The following PRKN variants were observed in gnomAD, a reference collection of about 807,000 sequenced individuals.
The protein encoded by PRKN is parkin RBR E3 ubiquitin protein ligase, also known as E3 ubiquitin-protein ligase parkin.
PRKN carries 56 observed loss-of-function variants against 59.5 expected under a neutral mutation model. The ratio of observed to expected loss-of-function variants is 0.94; its 90% CI spans 0.76 to 1.18. The LOEUF (loss-of-function observed/expected upper bound fraction) is 1.18. Ranked by LOEUF, PRKN falls within the 50% of genes most tolerant of loss-of-function variation. The pLI is 0.00. For missense variants in PRKN, 657 were observed against 596.4 expected, an observed-to-expected ratio of 1.10 and a Z score of -1.06; for synonymous variants, 250 against 222.1, an observed-to-expected ratio of 1.13 and a Z score of -1.12.
At chr6:162,078,880 A>T (rs1778942286) in intron 4 of PRKN, among the ~76,000 whole-genome samples, 1 of 50,730 alleles carries the variant, frequency 2.0e-5, no homozygotes, top group Non-Finnish European at 3.8e-5. Flanking sequence ...ATACTTAATA[A>T]TTAATAAATA....
Position 161,552,822 on chromosome 6 carries a change from C to T in PRKN, c.934-3819G>A, listed in dbSNP as rs1457721104. Among the ~76,000 whole-genome samples, 3 of 142,018 alleles carry T rather than the reference C, an allele frequency of 2.1e-5. No individual in the cohort carries two copies. Among genetic ancestry groups the T allele is most frequent in the African/African-American group, 7.7e-5 (3 of 38,906 alleles). The allele number at this position is 142,018 out of a possible 152,430, so 93.2% of individuals were successfully genotyped here. A position where few individuals can be genotyped will look rare whatever the true frequency, so the allele number is the denominator to read the frequency against. ...TTTGTTTTTTTTTTTTAGACGGAGT[C>T]TCGTTGTTACGCGGCTGGAGTACAG... On this transcript the variant is annotated intron_variant, in intron 8 of 11. Transcript: ENST00000366898. The surrounding 1 kb of genome is among the most constrained non-coding windows in gnomAD (Gnocchi z 4.9).
intron 2 of PRKN, among the ~76,000 whole-genome samples, chr6:162,333,620 G>A (rs1241911739): frequency 6.6e-6 from 1 of 152,148 alleles, no homozygotes; most frequent in African/African-American, 2.4e-5. Flanking sequence ...CCAACTGCCT[G>A]TTAGACACTG....
At chr6:162,481,115 G>A (rs62428780) in intron 1 of PRKN, among the ~76,000 whole-genome samples, 23,247 of 151,868 alleles carry the variant, frequency 0.15, 1,964 homozygotes, top group Non-Finnish European at 0.17. Flanking sequence ...GAGCCACTGC[G>A]CCTGGCCTAA....
chr6:161,860,004 G>A (rs1343520389), intron 6 of PRKN, among the ~76,000 whole-genome samples: 4 of 152,132 alleles, frequency 2.6e-5, no homozygotes, highest in Non-Finnish European at 5.9e-5. Flanking sequence ...AACAGTCGAA[G>A]CTAGTTTTGT....
chr6:162,634,204 G>A (rs533993940), intron 1 of PRKN, among the ~76,000 whole-genome samples: 36 of 152,202 alleles, frequency 2.4e-4, no homozygotes, highest in African/African-American at 7.9e-4. Context: ...ACCCTCACAG[G>A]CCTCCCTGTC....
At chr6:161,827,728 G>C (rs1792306432) in intron 6 of PRKN, among the ~76,000 whole-genome samples, 1 of 152,042 alleles carries the variant, frequency 6.6e-6, no homozygotes. Context: ...GTCTGCTCTT[G>C]AACTCCTGAC....
rs1433994666 is a variant in PRKN, at chr6:162,112,181, AAAC to A, written c.535-58010_535-58008del. Among the ~76,000 whole-genome samples, 3 of 152,238 alleles carry A rather than the reference AAAC, an allele frequency of 2.0e-5. No individual in the cohort carries two copies. In the South Asian group the frequency reaches 6.2e-4, roughly 31 times the overall value. On this transcript the variant is annotated intron_variant, in intron 4 of 11. Coordinates refer to ENST00000366898, the MANE Select transcript of PRKN (RefSeq NM_004562.3). ...AAACTCGAATATCTTTGCAACCTTC[AAAC>A]AACACTTGACATTAAAAATCCATTT...
intron 2 of PRKN, among the ~76,000 whole-genome samples, chr6:162,370,111 A>G (rs1190532944): frequency 6.6e-6 from 1 of 152,206 alleles, no homozygotes; most frequent in Non-Finnish European, 1.5e-5. Context: ...AAAGCTTAAC[A>G]GCAAATTTCA....
rs1444760633 is a variant in PRKN, at chr6:161,971,697, C to G, written c.734+1605G>C. ...TCTCATTTTTATTCCTTCTTGGAAA[C>G]AGGTTTGTTCAACAGATGCTGTTAA... is the stretch of plus-strand genomic sequence containing the variant. On this transcript the variant is annotated intron_variant, in intron 6 of 11. Coordinates refer to ENST00000366898, the MANE Select transcript of PRKN (RefSeq NM_004562.3). 2.0e-5 allele frequency among the ~76,000 whole-genome samples: 3 copies of G among 150,504 alleles called. No individual in the cohort carries two copies. The Admixed American group carries it at 2.0e-4, about 10-fold the overall frequency.
At chr6:161,867,065 T>C (rs1195192324) in intron 6 of PRKN, among the ~76,000 whole-genome samples, 1 of 152,244 alleles carries the variant, frequency 6.6e-6, no homozygotes, top group Non-Finnish European at 1.5e-5. Flanking sequence ...GTCTGAACCA[T>C]GCATTATTTT....
chr6:161,861,957 A>G (rs1793921812), intron 6 of PRKN, among the ~76,000 whole-genome samples: 1 of 152,182 alleles, frequency 6.6e-6, no homozygotes, highest in Non-Finnish European at 1.5e-5. Context: ...CTTGCTCTGA[A>G]GAGTCTATGG....
chr6:162,103,739 C>T (rs1052675512), intron 4 of PRKN, among the ~76,000 whole-genome samples: 1 of 152,116 alleles, frequency 6.6e-6, no homozygotes, highest in East Asian at 1.9e-4. Context: ...CAGAAAGGCC[C>T]GGATTCACAA....
chr6:161,745,887 G>A (rs898802183), intron 7 of PRKN, among the ~76,000 whole-genome samples: 1 of 152,224 alleles, frequency 6.6e-6, no homozygotes, highest in African/African-American at 2.4e-5. Context: ...ATGAAGCTAA[G>A]AACAGATTAT....
At chr6:161,813,110 C>T (rs548875333) in intron 6 of PRKN, among the ~76,000 whole-genome samples, 18 of 152,280 alleles carry the variant, frequency 1.2e-4, no homozygotes, top group Non-Finnish European at 2.2e-4. Context: ...GTGAGAGACT[C>T]GTAGCAGGAA....
chr6:162,125,430 G>A (rs955164), intron 4 of PRKN, among the ~76,000 whole-genome samples: 24,430 of 152,106 alleles, frequency 0.16, 2,520 homozygotes, highest in African/African-American at 0.29. Flanking sequence ...TTATCATCAT[G>A]TCTTCCTTTA....
At chr6:161,714,179 T>C (rs1786871818) in intron 7 of PRKN, among the ~76,000 whole-genome samples, 1 of 152,186 alleles carries the variant, frequency 6.6e-6, no homozygotes, top group Non-Finnish European at 1.5e-5. Context: ...CAAGCAACTA[T>C]GGCCATGGTG....
intron 1 of PRKN, among the ~76,000 whole-genome samples, chr6:162,491,433 G>A (rs148018320): frequency 1.3e-3 from 203 of 152,286 alleles, no homozygotes; most frequent in African/African-American, 4.5e-3. Context: ...CAGAGGTGAC[G>A]CACCAGGTGT....
intron 7 of PRKN, among the ~76,000 whole-genome samples, chr6:161,624,181 C>A (rs1783005817): frequency 6.6e-6 from 1 of 152,174 alleles, no homozygotes; most frequent in South Asian, 2.1e-4. Context: ...AGAGACAGTG[C>A]CACATTAGTT....
At chr6:162,541,509 A>G (rs1005558131) in intron 1 of PRKN, among the ~76,000 whole-genome samples, 3 of 152,178 alleles carry the variant, frequency 2.0e-5, no homozygotes, top group African/African-American at 7.2e-5. Flanking sequence ...ACATAAGCCA[A>G]TCACCCAAGG....
Sources: gnomAD v4.1 joint callset for allele counts (sites outside exome capture counted in the v4.1 genomes callset) on GRCh38, gnomAD v4.1.1 for gene constraint, Gnocchi (gnomAD v3.1) non-coding constraint, MANE v1.5 for transcripts, NCBI Gene and HGNC (gene_info 2026-07-23, HGNC 2026-07-21) for gene names.